The following AGMO variants were observed in gnomAD, a reference collection of about 807,000 sequenced individuals.
The protein encoded by AGMO is glyceryl-ether monooxygenase.
AGMO carries 75 observed loss-of-function variants against 60.2 expected under a neutral mutation model. The observed-to-expected ratio is 1.25, with a 90% CI of 1.03 to 1.51. The LOEUF is 1.51. Ranked by LOEUF, AGMO falls within the 40% of genes most tolerant of loss-of-function variation. The probability of loss-of-function intolerance (pLI) is 0.00; values close to 1 mark genes in which losing one functional copy is unlikely to be tolerated. For synonymous variants in AGMO, 261 were observed against 177.1 expected (o/e 1.47, Z -3.76); for missense variants, 763 against 525.5 (o/e 1.45, Z -4.42).
rs1424068559 is a variant in AGMO at position 15,354,454 on chromosome 7, A to G, written c.1263+11060T>C. The stretch of plus-strand genomic sequence containing the variant: ...CGTGTGTGTATACACACGTGTGTGT[A>G]TACACACGTGTGTGTATACACACGT... On this transcript the variant is annotated intron_variant, in intron 12 of 12. Coordinates refer to ENST00000342526, the MANE Select transcript of AGMO (RefSeq NM_001004320.2). 1.6e-3 allele frequency among the ~76,000 whole-genome samples: 32 copies of G among 20,296 alleles called. 1 individual carries two copies. Among genetic ancestry groups the G allele is most frequent in the Admixed American group, 9.9e-3 (16 of 1,618 alleles). The allele number at this position is 20,296 out of a possible 152,430, so 13.3% of individuals were successfully genotyped here.
intron 12 of AGMO, among the ~76,000 whole-genome samples, chr7:15,343,753 T>C (rs1321952897): frequency 6.6e-6 from 1 of 152,116 alleles, no homozygotes; most frequent in Non-Finnish European, 1.5e-5. Context: ...AAAATTGTAT[T>C]TGGTGTTAGT....
intron 5 of AGMO, among the ~76,000 whole-genome samples, chr7:15,416,668 A>G (rs1321025312): frequency 1.3e-5 from 2 of 152,182 alleles, no homozygotes; most frequent in Admixed American, 6.6e-5. Flanking sequence ...CAGCTCGCAT[A>G]TCATTTCTGT....
At chr7:15,333,892 A>C (rs972068690) in intron 12 of AGMO, among the ~76,000 whole-genome samples, 8 of 152,094 alleles carry the variant, frequency 5.3e-5, no homozygotes, top group African/African-American at 1.7e-4. Flanking sequence ...CTAAAATAAT[A>C]ATTCTTCCAG....
intron 12 of AGMO, among the ~76,000 whole-genome samples, chr7:15,307,446 A>C (rs1001159199): frequency 2.6e-5 from 4 of 151,954 alleles, no homozygotes; most frequent in Non-Finnish European, 5.9e-5. Flanking sequence ...AATCAATTAA[A>C]CTCTAAAAGA....
At chr7:15,436,578 C>A (rs1246884284) in intron 3 of AGMO, among the ~76,000 whole-genome samples, 4 of 152,010 alleles carry the variant, frequency 2.6e-5, no homozygotes, top group African/African-American at 7.2e-5. Flanking sequence ...AATAGTCAAA[C>A]AACAGCGAGC....
intron 12 of AGMO, among the ~76,000 whole-genome samples, chr7:15,305,973 T>C (rs1200045021): frequency 6.6e-6 from 1 of 152,050 alleles, no homozygotes; most frequent in Non-Finnish European, 1.5e-5. Context: ...TCAAGTATCT[T>C]ATTTTTTTCT....
At chr7:15,409,641 C>G (rs1405662649) in intron 5 of AGMO, among the ~76,000 whole-genome samples, 1 of 151,854 alleles carries the variant, frequency 6.6e-6, no homozygotes, top group African/African-American at 2.4e-5. Context: ...ACCTGTAAAA[C>G]TTTAATTATC....
intron 12 of AGMO, among the ~76,000 whole-genome samples, chr7:15,322,899 A>G (rs1429016051): frequency 3.5e-5 from 5 of 144,426 alleles, no homozygotes; most frequent in African/African-American, 1.2e-4. Context: ...GATACAGGAA[A>G]AAATATATAT....
At chr7:15,255,811 T>C (rs965356000) in intron 12 of AGMO, among the ~76,000 whole-genome samples, 14 of 152,302 alleles carry the variant, frequency 9.2e-5, no homozygotes, top group African/African-American at 3.1e-4. Context: ...GGTAGGTAGG[T>C]ACAGAAAAGG....
intron 12 of AGMO, among the ~76,000 whole-genome samples, chr7:15,302,815 C>G (rs1173716344): frequency 6.6e-6 from 1 of 151,982 alleles, no homozygotes; most frequent in Non-Finnish European, 1.5e-5. Context: ...ATGGAGCAGT[C>G]AACTAGAGTT....
chr7:15,214,106 AG>A (rs1330140880), intron 12 of AGMO, among the ~76,000 whole-genome samples: 1 of 151,980 alleles, frequency 6.6e-6, no homozygotes, highest in Non-Finnish European at 1.5e-5. Flanking sequence ...TAAAGGAGGG[AG>A]AGAGACAGAG....
At chr7:15,253,846 C>T (rs1783018346) in intron 12 of AGMO, among the ~76,000 whole-genome samples, 2 of 152,110 alleles carry the variant, frequency 1.3e-5, no homozygotes, top group Admixed American at 1.3e-4. Flanking sequence ...CTTCCCATCT[C>T]CTTCTCTCGT....
chr7:15,235,054 C>A (rs1372294543), intron 12 of AGMO, among the ~76,000 whole-genome samples: 1 of 152,072 alleles, frequency 6.6e-6, no homozygotes, highest in Non-Finnish European at 1.5e-5. Flanking sequence ...ACTTCATCTG[C>A]CTTGAATGAC....
At chr7:15,392,161 C>A (rs1269434085) in intron 6 of AGMO, among the ~76,000 whole-genome samples, 3 of 151,982 alleles carry the variant, frequency 2.0e-5, no homozygotes, top group Non-Finnish European at 4.4e-5. Context: ...GCTCTGCCTC[C>A]CGGGTTCACG....
At chr7:15,275,395 TAA>T (rs1035075691) in intron 12 of AGMO, among the ~76,000 whole-genome samples, 11 of 152,276 alleles carry the variant, frequency 7.2e-5, no homozygotes, top group African/African-American at 1.9e-4. Flanking sequence ...CACTGTGGTA[TAA>T]AAAGACATTT....
At chr7:15,462,182 C>A (rs1782160231) in intron 3 of AGMO, among the ~76,000 whole-genome samples, 1 of 152,080 alleles carries the variant, frequency 6.6e-6, no homozygotes, top group Admixed American at 6.6e-5. Flanking sequence ...TATCAGAAAG[C>A]TAATTTCACT....
Position 15,390,917 on chromosome 7 carries a change from AAT to A in AGMO, c.677-14_677-13del, listed in dbSNP as rs1451280669. On this transcript the variant is annotated splice_polypyrimidine_tract_variant and intron_variant, in intron 6 of 12. Transcript: ENST00000342526. ...ATAACGATTTCTGCCTATGAGACAA[AAT>A]ATTAGAAATTTTTTTTCAGAAAAAT... is the stretch of plus-strand genomic sequence containing the variant. 1 of 1,546,942 alleles carries A rather than the reference AAT, an allele frequency of 6.5e-7. No homozygotes were observed. Among genetic ancestry groups the A allele is most frequent in the South Asian group, 1.2e-5 (1 of 82,180 alleles).
At chr7:15,246,699 CCTT>C (rs747015004) in intron 12 of AGMO, among the ~76,000 whole-genome samples, 3 of 152,042 alleles carry the variant, frequency 2.0e-5, no homozygotes, top group Non-Finnish European at 2.9e-5. Context: ...ATGTCAAATG[CCTT>C]CTTTCTTTCT....
chr7:15,357,508 A>G (rs1040088852), intron 12 of AGMO, among the ~76,000 whole-genome samples: 4 of 152,114 alleles, frequency 2.6e-5, no homozygotes, highest in Non-Finnish European at 5.9e-5. Flanking sequence ...TTCAAATCAA[A>G]AGAGTTTATT....
Sources: gnomAD v4.1 joint callset for allele counts (sites outside exome capture counted in the v4.1 genomes callset) on GRCh38, gnomAD v4.1.1 for gene constraint, MANE v1.5 for transcripts, NCBI Gene and HGNC (gene_info 2026-07-23, HGNC 2026-07-21) for gene names.